Variants in RIMS2 observed in about 807,000 individuals in gnomAD.
The protein encoded by RIMS2 is regulating synaptic membrane exocytosis protein 2.
A neutral mutation model predicts 174.4 loss-of-function variants in RIMS2; 59 were observed. The observed-to-expected ratio is 0.34, with a 90% CI of 0.27 to 0.42. RIMS2 has a LOEUF of 0.42. RIMS2 is among the 10% of genes least tolerant of loss of function. RIMS2 has a pLI of 1.00. For synonymous variants in RIMS2, 606 were observed against 572.5 expected, an observed-to-expected ratio of 1.06 and a Z score of -0.84; for missense variants, 1,620 against 1,666.3, an observed-to-expected ratio of 0.97 and a Z score of 0.48.
chr8:103,536,068 T>C (rs1261911380), intron 1 of RIMS2, among the ~76,000 whole-genome samples: 2 of 152,126 alleles, frequency 1.3e-5, no homozygotes, highest in African/African-American at 2.4e-5. Flanking sequence ...AAAATAGTAG[T>C]TTGGGTCACC....
intron 1 of RIMS2, among the ~76,000 whole-genome samples, chr8:103,511,535 C>T (rs1489294635): frequency 2.0e-5 from 3 of 152,040 alleles, no homozygotes; most frequent in African/African-American, 7.2e-5. Flanking sequence ...ACCCTAGAGT[C>T]TGGTTTAATG....
intron 3 of RIMS2, among the ~76,000 whole-genome samples, chr8:103,770,579 A>G (rs1413808898): frequency 2.0e-5 from 3 of 152,192 alleles, no homozygotes; most frequent in Non-Finnish European, 4.4e-5. Context: ...TCTGTCTCAA[A>G]AAAAAACCCT....
At chr8:103,738,351 C>A (rs565871130) in intron 2 of RIMS2, among the ~76,000 whole-genome samples, 16 of 152,230 alleles carry the variant, frequency 1.1e-4, no homozygotes, top group Non-Finnish European at 1.9e-4. Flanking sequence ...GAAAATGGAT[C>A]CCTTCCTTAC....
At position 103,915,606 on chromosome 8, in the gene RIMS2, C is replaced by T. The variant is rs769245022; in HGVS notation, c.1912+12C>T. ...ACATCTTAGACCAGGTAGGGTTTTACCTTTGATTATTTACATTTAAACCAT... is the reference window on the plus strand; with the variant it reads ...ACATCTTAGACCAGGTAGGGTTTTATCTTTGATTATTTACATTTAAACCAT... On this transcript the variant is annotated intron_variant, in intron 7 of 23. Coordinates refer to ENST00000504942, the Ensembl canonical transcript of RIMS2. The T allele has an allele frequency of 2.2e-6, 3 of 1,376,586 alleles. No homozygotes were observed. The South Asian group carries it at 3.7e-5, about 17-fold the overall frequency. 85.3% of individuals were successfully genotyped at this position (1,376,586 alleles called of 1,614,324 possible).
At chr8:103,752,867 A>C (rs1236361293) in intron 2 of RIMS2, among the ~76,000 whole-genome samples, 1 of 152,140 alleles carries the variant, frequency 6.6e-6, no homozygotes, top group Admixed American at 6.5e-5. Flanking sequence ...ATATACAATC[A>C]TGTCATCTGC....
At chr8:103,603,677 A>G (rs1225977932) in intron 1 of RIMS2, among the ~76,000 whole-genome samples, 2 of 144,358 alleles carry the variant, frequency 1.4e-5, no homozygotes, top group Non-Finnish European at 3.1e-5. Context: ...CTGACTTTTT[A>G]ATGATTGCCA....
At chr8:103,871,879 T>C (rs981055505) in intron 3 of RIMS2, among the ~76,000 whole-genome samples, 5 of 152,182 alleles carry the variant, frequency 3.3e-5, no homozygotes. Context: ...TACTGTCTTG[T>C]TTTCTCAAAC....
At chr8:103,921,807 C>T (rs1459404077) in intron 10 of RIMS2, 23 bp downstream of exon 13, 1 of 840,172 alleles carries the variant, frequency 1.2e-6, no homozygotes, top group Non-Finnish European at 2.0e-6. Flanking sequence ...TACGTTTACT[C>T]TTCTTTTTGG....
intron 3 of RIMS2, chr8:103,819,077 C>T (rs2098735205): frequency 6.4e-6 from 2 of 312,038 alleles, no homozygotes; most frequent in African/African-American, 2.3e-5. Flanking sequence ...TGAGAAGATA[C>T]CTTGTCCCCA....
intron 3 of RIMS2, among the ~76,000 whole-genome samples, chr8:103,803,313 G>T (rs2098628121): frequency 6.6e-6 from 1 of 152,090 alleles, no homozygotes; most frequent in South Asian, 2.1e-4. Flanking sequence ...TAAAACTAGT[G>T]TTATGTGTCA....
chr8:103,710,009 A>G (rs2097284473), intron 2 of RIMS2, among the ~76,000 whole-genome samples: 1 of 152,170 alleles, frequency 6.6e-6, no homozygotes. Flanking sequence ...CTTGTCATGT[A>G]TAAAACTTGC....
chr8:104,000,653 G>A (rs967929543), intron 17 of RIMS2, among the ~76,000 whole-genome samples: 4 of 151,742 alleles, frequency 2.6e-5, no homozygotes, highest in Non-Finnish European at 5.9e-5. Context: ...TATACTGGTT[G>A]TATTAATTTA....
intron 3 of RIMS2, among the ~76,000 whole-genome samples, chr8:103,881,086 G>T (rs2099165264): frequency 6.6e-6 from 1 of 151,370 alleles, no homozygotes; most frequent in Admixed American, 6.6e-5. Context: ...ATTTTTTAAT[G>T]ATCTCTACTA....
chr8:104,022,096 G>A (rs190360416), intron 19 of RIMS2, among the ~76,000 whole-genome samples: 119 of 152,098 alleles, frequency 7.8e-4, no homozygotes, highest in African/African-American at 2.8e-3. Flanking sequence ...GTTTACAATA[G>A]TGATGTTATC....
At chr8:104,194,091 C>G (rs778401711) in intron 19 of RIMS2, among the ~76,000 whole-genome samples, 2 of 152,084 alleles carry the variant, frequency 1.3e-5, no homozygotes, top group African/African-American at 2.4e-5. Flanking sequence ...TATTTTTCAG[C>G]CTGCTTAGAG....
At chr8:103,755,355 C>T (rs1000872349) in intron 2 of RIMS2, among the ~76,000 whole-genome samples, 17 of 152,084 alleles carry the variant, frequency 1.1e-4, no homozygotes, top group African/African-American at 3.9e-4. Context: ...TCTGGCTTCC[C>T]TTAATATTTT....
chr8:103,515,830 T>C (rs1288200294), intron 1 of RIMS2, among the ~76,000 whole-genome samples: 1 of 152,124 alleles, frequency 6.6e-6, no homozygotes, highest in Non-Finnish European at 1.5e-5. Flanking sequence ...ATTTTGTTTT[T>C]GGTACATCTT....
At chr8:104,213,705 C>T (rs561710052) in intron 19 of RIMS2, among the ~76,000 whole-genome samples, 29 of 151,886 alleles carry the variant, frequency 1.9e-4, no homozygotes, top group African/African-American at 6.8e-4. Context: ...AGTGAAACCC[C>T]GTCTCTACTA....
chr8:104,044,807 A>T (rs1280637558), intron 19 of RIMS2, among the ~76,000 whole-genome samples: 2 of 151,708 alleles, frequency 1.3e-5, no homozygotes, highest in African/African-American at 4.8e-5. Flanking sequence ...GTTAACCAGC[A>T]TTGTGTTTTG....
Sources: gnomAD v4.1 joint callset for allele counts (sites outside exome capture counted in the v4.1 genomes callset) on GRCh38, gnomAD v4.1.1 for gene constraint, MANE v1.5 for transcripts, NCBI Gene and HGNC (gene_info 2026-07-23, HGNC 2026-07-21) for gene names.